Variants in CADM2 observed in about 807,000 individuals in gnomAD.
CADM2 encodes cell adhesion molecule 2.
In CADM2, 12 loss-of-function variants were observed where a neutral mutation model predicts 49.8. The observed-to-expected ratio is 0.24, with a 90% CI of 0.15 to 0.39. CADM2 has a LOEUF of 0.39. Among genes scored for constraint, CADM2 ranks in the 10% least tolerant of loss-of-function variants. CADM2 has a pLI of 1.00. For synonymous variants in CADM2, 214 were observed against 175.4 expected (o/e 1.22, Z -1.74); for missense variants, 378 against 492.3 (o/e 0.77, Z 2.20).
rs935301211 is a variant in CADM2 at position 86,043,791 on chromosome 3, T to G, written c.971-21814T>G. Among the ~76,000 whole-genome samples, 4 of 152,106 alleles carry G rather than the reference T, an allele frequency of 2.6e-5. No individual in the cohort carries two copies. In the East Asian group the frequency reaches 7.7e-4, roughly 29 times the overall value. On this transcript the variant is annotated intron_variant, in intron 8 of 9. Coordinates refer to ENST00000383699, the MANE Select transcript of CADM2 (RefSeq NM_001167675.2). ...CAAAAGAATAAAGCTGGAGGCATCA[T>G]GCTACCTGACTTCAAACTATACTAC...
chr3:85,315,989 CAT>C (rs1397271644), intron 1 of CADM2, among the ~76,000 whole-genome samples: 1 of 152,120 alleles, frequency 6.6e-6, no homozygotes, highest in African/African-American at 2.4e-5. Flanking sequence ...ACATCTCACA[CAT>C]TGTCTTCTAA....
At chr3:86,059,442 A>T (rs1480197312) in intron 8 of CADM2, among the ~76,000 whole-genome samples, 1 of 152,200 alleles carries the variant, frequency 6.6e-6, no homozygotes, top group Non-Finnish European at 1.5e-5. Context: ...TCTAAATGAA[A>T]GTTGTTAAGT....
At chr3:85,450,322 G>A (rs1026514074) in intron 1 of CADM2, among the ~76,000 whole-genome samples, 1 of 151,680 alleles carries the variant, frequency 6.6e-6, no homozygotes, top group Non-Finnish European at 1.5e-5. Flanking sequence ...TGGAACCTAG[G>A]GGAAAGTTTA....
At chr3:85,391,241 T>C (rs978355555) in intron 1 of CADM2, among the ~76,000 whole-genome samples, 1 of 151,968 alleles carries the variant, frequency 6.6e-6, no homozygotes, top group African/African-American at 2.4e-5. Flanking sequence ...GTTCAATTAA[T>C]ACTAGTTGAA....
At chr3:85,793,786 G>A (rs2071471105) in intron 2 of CADM2, among the ~76,000 whole-genome samples, 1 of 152,090 alleles carries the variant, frequency 6.6e-6, no homozygotes. Flanking sequence ...ACTATGTTTT[G>A]CTTTTATCAC....
intron 1 of CADM2, among the ~76,000 whole-genome samples, chr3:85,301,604 C>T (rs1283983437): frequency 6.6e-6 from 1 of 151,924 alleles, no homozygotes; most frequent in Non-Finnish European, 1.5e-5. Flanking sequence ...GGGTGGGGGG[C>T]TGACTTCACA....
intron 1 of CADM2, among the ~76,000 whole-genome samples, chr3:85,617,476 G>A (rs1190526223): frequency 6.6e-6 from 1 of 152,162 alleles, no homozygotes; most frequent in East Asian, 1.9e-4. Context: ...ACGCAGATGA[G>A]TTTTGTTCAT....
intron 1 of CADM2, among the ~76,000 whole-genome samples, chr3:85,643,246 G>A (rs978061164): frequency 1.3e-5 from 2 of 152,042 alleles, no homozygotes; most frequent in Non-Finnish European, 2.9e-5. Context: ...GTATAAAACT[G>A]GCTTGCTTTA....
chr3:85,725,271 A>G (rs1423177258), intron 1 of CADM2, among the ~76,000 whole-genome samples: 1 of 152,002 alleles, frequency 6.6e-6, no homozygotes, highest in African/African-American at 2.4e-5. Flanking sequence ...GATGAAAACA[A>G]AAATTATCTG....
At chr3:85,982,435 AT>A (rs980945500) in intron 8 of CADM2, among the ~76,000 whole-genome samples, 16 of 151,712 alleles carry the variant, frequency 1.1e-4, no homozygotes, top group Middle Eastern at 3.4e-3. Flanking sequence ...ACACAAAAAT[AT>A]TTTTTTAAAA....
At chr3:85,717,806 C>T (rs945332730) in intron 1 of CADM2, among the ~76,000 whole-genome samples, 16 of 152,062 alleles carry the variant, frequency 1.1e-4, no homozygotes, top group African/African-American at 3.6e-4. Context: ...GTACTCTTGT[C>T]GCCCAGGCTG....
chr3:85,878,877 G>C (rs1577545873), intron 3 of CADM2, among the ~76,000 whole-genome samples: 2 of 152,140 alleles, frequency 1.3e-5, no homozygotes, highest in East Asian at 3.9e-4. Context: ...AGTGGAACCT[G>C]TGTTAGGGGA....
In CADM2 at chr3:85,843,901, G is replaced by GT. The variant is rs546725435; in HGVS notation, c.239-39390_239-39389insT. 9.8e-4 allele frequency among the ~76,000 whole-genome samples: 149 copies of GT among 151,834 alleles called. 1 individual carries two copies. The highest frequency in any genetic ancestry group is 3.6e-3 in the African/African-American group (147 of 41,244). On this transcript the variant is annotated intron_variant, in intron 3 of 9. Transcript: ENST00000383699. ...TCATGTGAGTGTATGTGTGTGTGGG[G>GT]GGGGAGCGGTTACTAAAAAAACAAA...
intron 1 of CADM2, among the ~76,000 whole-genome samples, chr3:85,148,885 AGAG>A (rs961026656): frequency 6.6e-6 from 1 of 152,078 alleles, no homozygotes; most frequent in African/African-American, 2.4e-5. Context: ...AGGAGGAGAA[AGAG>A]GAGGGGTTGG....
intron 6 of CADM2, among the ~76,000 whole-genome samples, chr3:85,926,137 A>AAAATAAT (rs1719817981): frequency 7.0e-6 from 1 of 143,580 alleles, no homozygotes; most frequent in Non-Finnish European, 1.5e-5. Context: ...CTCTGTCTCA[A>AAAATAAT]AAATAAATAA....
chr3:85,792,044 A>T (rs368783280), intron 2 of CADM2, among the ~76,000 whole-genome samples: 2 of 152,152 alleles, frequency 1.3e-5, no homozygotes, highest in African/African-American at 4.8e-5. Context: ...ATGTTTAAGA[A>T]TTGTTAACTT....
chr3:85,129,918 TG>T (rs1174284557), intron 1 of CADM2, among the ~76,000 whole-genome samples: 1 of 152,190 alleles, frequency 6.6e-6, no homozygotes, highest in African/African-American at 2.4e-5. Flanking sequence ...AGGAGATTTA[TG>T]GGGAAATATT....
intron 1 of CADM2, among the ~76,000 whole-genome samples, chr3:85,351,955 T>C (rs2031394151): frequency 6.6e-6 from 1 of 152,056 alleles, no homozygotes; most frequent in Non-Finnish European, 1.5e-5. Context: ...TATTTCCACA[T>C]GCAACACACA....
At chr3:85,443,841 C>T (rs545299674) in intron 1 of CADM2, among the ~76,000 whole-genome samples, 3 of 152,060 alleles carry the variant, frequency 2.0e-5, no homozygotes, top group African/African-American at 2.4e-5. Flanking sequence ...ATCTATATGC[C>T]GGCAACACCC....
Sources: allele counts gnomAD v4.1 joint callset (sites outside exome capture counted in the v4.1 genomes callset), GRCh38; gene constraint gnomAD v4.1.1; transcripts MANE v1.5; gene names NCBI Gene and HGNC (gene_info 2026-07-23, HGNC 2026-07-21).